ANKS1A: variants seen among roughly 807,000 people sequenced by gnomAD.
The protein encoded by ANKS1A is ankyrin repeat and SAM domain-containing protein 1A.
In ANKS1A, 55 loss-of-function variants were observed where a neutral mutation model predicts 120.3. The observed-to-expected ratio is 0.46, with a 90% CI of 0.37 to 0.57. The LOEUF (loss-of-function observed/expected upper bound fraction) is 0.57. Ranked by LOEUF, ANKS1A falls within the 20% of genes least tolerant of loss-of-function variation. ANKS1A has a pLI of 0.00. For synonymous variants in ANKS1A, 590 were observed against 604.7 expected (o/e 0.98, Z 0.36); for missense variants, 1,123 against 1,480.3 (o/e 0.76, Z 3.96).
At chr6:35,010,837 G>T (rs1773723421) in intron 10 of ANKS1A, among the ~76,000 whole-genome samples, 1 of 152,152 alleles carries the variant, frequency 6.6e-6, no homozygotes. Context: ...CTGTCTTCTC[G>T]GGAAATTGGT....
At chr6:34,937,005 T>TA (rs1769288286) in intron 1 of ANKS1A, among the ~76,000 whole-genome samples, 1 of 152,216 alleles carries the variant, frequency 6.6e-6, no homozygotes. Flanking sequence ...GAAAGATACA[T>TA]ACATGTTACA....
At position 35,085,105 on chromosome 6, in the gene ANKS1A, G is replaced by T. The variant is rs1048161685; in HGVS notation, c.3133-661G>T. Among the ~76,000 whole-genome samples the T allele has an allele frequency of 4.6e-5, 7 of 152,320 alleles. No homozygotes were observed. Among genetic ancestry groups the T allele is most frequent in the Non-Finnish European group, 8.8e-5 (6 of 68,026 alleles). ...CCTCTGTTTGCTCTGGGCCAGTGAA[G>T]GTTAGGAGGAACCAGGCTTTGCTGC... On this transcript the variant is annotated intron_variant, in intron 21 of 23. Coordinates refer to ENST00000360359, the MANE Select transcript of ANKS1A (RefSeq NM_015245.3). This position sits in a 1 kb window ranked among gnomAD's most constrained non-coding sequence, Gnocchi z 4.7.
chr6:34,959,426 G>A (rs1022197723), intron 1 of ANKS1A, among the ~76,000 whole-genome samples: 2 of 150,606 alleles, frequency 1.3e-5, no homozygotes, highest in African/African-American at 4.9e-5. Context: ...GTGGCCCTGG[G>A]CCAATTCCTT....
In ANKS1A at chr6:34,993,591, G is replaced by T. The variant is rs374934231; in HGVS notation, c.1303-711G>T. ...TTAACATAAAGGTTGTAGGAATCCA[G>T]TTTTGGGGATATCCTTCCCAATAAC... On this transcript the variant is annotated intron_variant, in intron 9 of 23. Coordinates refer to ENST00000360359, the MANE Select transcript of ANKS1A (RefSeq NM_015245.3). Among the ~76,000 whole-genome samples, 5 of 152,358 alleles carry T rather than the reference G, an allele frequency of 3.3e-5. No homozygotes were observed. In the East Asian group the frequency reaches 7.7e-4, roughly 23 times the overall value.
downstream of ANKS1A, chr6:35,091,494 A>G: frequency 1.1e-6 from 1 of 909,722 alleles, no homozygotes; most frequent in Non-Finnish European, 1.3e-6. Context: ...CAGGCTCAGG[A>G]TCAGTGATTC....
intron 11 of ANKS1A, among the ~76,000 whole-genome samples, chr6:35,049,827 G>A (rs1775885236): frequency 6.6e-6 from 1 of 152,184 alleles, no homozygotes. Flanking sequence ...CCATGTCGTA[G>A]CCCTGCACAC....
rs938168083 is a variant in ANKS1A at position 35,090,494 on chromosome 6, G to T, written c.*1885G>T. The stretch of plus-strand genomic sequence containing the variant: ...TAGATCATCCATAGGTGTTTCTTCT[G>T]CTTGAAGCTGCTATATCATCTTTAT... On this transcript the variant is annotated 3_prime_UTR_variant, in exon 24 of 24. Coordinates refer to ENST00000360359, the MANE Select transcript of ANKS1A (RefSeq NM_015245.3). 1.8e-6 allele frequency: 2 copies of T among 1,089,220 alleles called. No individual in the cohort carries two copies. Among genetic ancestry groups the T allele is most frequent in the African/African-American group, 3.3e-5 (2 of 60,378 alleles). 67.5% of individuals were successfully genotyped at this position (1,089,220 alleles called of 1,614,324 possible). A position where few individuals can be genotyped will look rare whatever the true frequency, so the allele number is the denominator to read the frequency against.
intron 7 of ANKS1A, among the ~76,000 whole-genome samples, chr6:34,984,397 G>A (rs1188959505): frequency 6.6e-6 from 1 of 152,208 alleles, no homozygotes; most frequent in Non-Finnish European, 1.5e-5. Context: ...GGAGATACGG[G>A]CTGAAGGGTG....
intron 11 of ANKS1A, among the ~76,000 whole-genome samples, chr6:35,018,984 A>AT (rs1406747708): frequency 6.6e-6 from 1 of 152,172 alleles, no homozygotes; most frequent in Non-Finnish European, 1.5e-5. Context: ...CCCATCCCAC[A>AT]TTCCCAGATT....
intron 1 of ANKS1A, among the ~76,000 whole-genome samples, chr6:34,921,319 T>C (rs763351381): frequency 1.3e-5 from 2 of 152,178 alleles, no homozygotes; most frequent in African/African-American, 4.8e-5. Flanking sequence ...ATTAAGCCTC[T>C]TCCTTAGTGG....
At chr6:35,002,318 C>T (rs1434098208) in intron 10 of ANKS1A, among the ~76,000 whole-genome samples, 2 of 152,112 alleles carry the variant, frequency 1.3e-5, no homozygotes, top group Non-Finnish European at 2.9e-5. Context: ...TGCAAAGTGA[C>T]TCTGAAGAAG....
intron 10 of ANKS1A, among the ~76,000 whole-genome samples, chr6:35,007,581 T>C (rs923502664): frequency 6.6e-6 from 1 of 152,228 alleles, no homozygotes; most frequent in Admixed American, 6.5e-5. Context: ...TGGACAACTT[T>C]CCATGTTTGA....
At chr6:34,970,542 G>T (rs1174237277) in intron 3 of ANKS1A, among the ~76,000 whole-genome samples, 2 of 152,186 alleles carry the variant, frequency 1.3e-5, no homozygotes, top group African/African-American at 4.8e-5. Context: ...AACATTAGCT[G>T]TCTCTGTCTG....
At chr6:35,015,711 C>T (rs1773964577) in intron 10 of ANKS1A, among the ~76,000 whole-genome samples, 1 of 152,218 alleles carries the variant, frequency 6.6e-6, no homozygotes, top group Admixed American at 6.5e-5. Flanking sequence ...TATCCCTGCT[C>T]AGACCTCAGC....
At chr6:35,042,271 G>A (rs146034534) in intron 11 of ANKS1A, among the ~76,000 whole-genome samples, 41 of 152,266 alleles carry the variant, frequency 2.7e-4, no homozygotes, top group African/African-American at 7.9e-4. Flanking sequence ...CAGTGAGGAC[G>A]CAGTTGGAGG....
At chr6:35,053,991 A>G in intron 11 of ANKS1A, 108 bp from the exon 12 acceptor site, 1 of 838,686 alleles carries the variant, frequency 1.2e-6, no homozygotes, top group Non-Finnish European at 2.0e-6. Context: ...GGTCCTGGGA[A>G]GCATCTGAAA....
chr6:34,991,288 A>G lies in ANKS1A; in HGVS notation c.1302+1972A>G, dbSNP rs114627648. Among the ~76,000 whole-genome samples the G allele has an allele frequency of 2.9e-3, 443 of 152,262 alleles. 1 individual carries two copies. Among genetic ancestry groups the G allele is most frequent in the African/African-American group, 0.01 (418 of 41,546 alleles). ...AAAAACATTAGACACATATACTCAC[A>G]CACATACACATGCTGTGTAGATGTT... is the stretch of plus-strand genomic sequence containing the variant. On this transcript the variant is annotated intron_variant, in intron 9 of 23. Transcript: ENST00000360359.
intron 1 of ANKS1A, among the ~76,000 whole-genome samples, chr6:34,932,527 AGCGT>A (rs1362125163): frequency 1.3e-5 from 2 of 151,998 alleles, no homozygotes; most frequent in African/African-American, 2.4e-5. Context: ...TGGGATTACA[AGCGT>A]GCATCACCAC....
chr6:35,082,676 G>A lies in ANKS1A; in HGVS notation c.2710-15G>A. On this transcript the variant is annotated splice_polypyrimidine_tract_variant and intron_variant, in intron 17 of 23. Transcript: ENST00000360359. The surrounding 1 kb of genome is among the most constrained non-coding windows in gnomAD (Gnocchi z 4.1). The stretch of plus-strand genomic sequence containing the variant: ...TGGAGCAAGGAGCAGGTGTCCAATT[G>A]CGTGTGTTTCGCAGGAGGAGCACCG... 2 of 1,603,090 alleles carry A rather than the reference G, an allele frequency of 1.2e-6. No homozygotes were observed. The highest frequency in any genetic ancestry group is 2.2e-5 in the South Asian group (2 of 89,774).
Sources: gnomAD v4.1 joint callset for allele counts (sites outside exome capture counted in the v4.1 genomes callset) on GRCh38, gnomAD v4.1.1 for gene constraint, Gnocchi (gnomAD v3.1) non-coding constraint, MANE v1.5 for transcripts, NCBI Gene and HGNC (gene_info 2026-07-23, HGNC 2026-07-21) for gene names.